STK32B: variants seen among roughly 807,000 people sequenced by gnomAD.
STK32B encodes serine/threonine-protein kinase 32B.
In STK32B, 43 loss-of-function variants were observed where a neutral mutation model predicts 52.6. That is an observed-to-expected ratio of 0.82 (90% CI 0.64 to 1.05). The LOEUF (loss-of-function observed/expected upper bound fraction) is 1.05, where lower values mean the gene tolerates loss of function less well. STK32B is among the 50% of genes least tolerant of loss of function. The probability of loss-of-function intolerance (pLI) is 0.00; values close to 1 mark genes in which losing one functional copy is unlikely to be tolerated. For synonymous variants in STK32B, 238 were observed against 204.3 expected, an observed-to-expected ratio of 1.17 and a Z score of -1.41; for missense variants, 621 against 534.6, an observed-to-expected ratio of 1.16 and a Z score of -1.59.
intron 1 of STK32B, among the ~76,000 whole-genome samples, chr4:5,124,256 C>T (rs1715229788): frequency 2.6e-5 from 4 of 152,154 alleles, no homozygotes; most frequent in Admixed American, 2.0e-4. Context: ...ATCAGATGTC[C>T]GAGTGAGCAA....
At chr4:5,348,724 G>A (rs1733635142) in intron 4 of STK32B, among the ~76,000 whole-genome samples, 1 of 152,134 alleles carries the variant, frequency 6.6e-6, no homozygotes, top group Non-Finnish European at 1.5e-5. Context: ...GAGGCCTGAG[G>A]ATCACCACAA....
chr4:5,430,898 C>T (rs1207626862), intron 6 of STK32B, among the ~76,000 whole-genome samples: 1 of 152,208 alleles, frequency 6.6e-6, no homozygotes, highest in African/African-American at 2.4e-5. Context: ...AATAGGGTCT[C>T]TCTCTGTGCT....
intron 4 of STK32B, among the ~76,000 whole-genome samples, chr4:5,379,778 A>C (rs1577418824): frequency 2.0e-5 from 3 of 152,202 alleles, no homozygotes; most frequent in Admixed American, 6.5e-5. Flanking sequence ...CAACCCTGCC[A>C]ACACCTTGAT....
At chr4:5,477,398 C>T (rs1170072744) in intron 11 of STK32B, among the ~76,000 whole-genome samples, 2 of 152,120 alleles carry the variant, frequency 1.3e-5, no homozygotes, top group African/African-American at 4.8e-5. Context: ...GCCTAAAACC[C>T]TCAAATGCCT....
rs890642571 is a variant in STK32B at position 5,399,603 on chromosome 4, G to A, written c.472+1359G>A. Among the ~76,000 whole-genome samples the A allele has an allele frequency of 6.6e-6, 1 of 152,160 alleles. No individual in the cohort carries two copies. Among genetic ancestry groups the A allele is most frequent in the Non-Finnish European group, 1.5e-5 (1 of 68,022 alleles). ...AATCAAGGCTGGAAAGGAAGCGAAA[G>A]CAACGTCTCCAGTTTGTATCTAAAA... On this transcript the variant is annotated intron_variant, in intron 5 of 11. Transcript: ENST00000282908. This position sits in a 1 kb window ranked among gnomAD's most constrained non-coding sequence, Gnocchi z 5.4.
At chr4:5,406,930 C>T (rs1577455349) in intron 5 of STK32B, among the ~76,000 whole-genome samples, 1 of 152,124 alleles carries the variant, frequency 6.6e-6, no homozygotes, top group African/African-American at 2.4e-5. Flanking sequence ...AGCTTTAAAC[C>T]CTCCCAAGAA....
At chr4:5,325,030 G>A (rs968127388) in intron 3 of STK32B, among the ~76,000 whole-genome samples, 17 of 152,132 alleles carry the variant, frequency 1.1e-4, no homozygotes, top group Admixed American at 4.6e-4. Flanking sequence ...CATTCACCTC[G>A]TGCTCTGCTC....
chr4:5,136,997 A>C (rs1716117049), intron 1 of STK32B, among the ~76,000 whole-genome samples: 1 of 152,228 alleles, frequency 6.6e-6, no homozygotes, highest in Admixed American at 6.5e-5. Flanking sequence ...GATATGGATG[A>C]CATGGGTGAG....
intron 2 of STK32B, among the ~76,000 whole-genome samples, chr4:5,157,977 T>A (rs1468938307): frequency 6.6e-6 from 1 of 152,246 alleles, no homozygotes; most frequent in East Asian, 1.9e-4. Flanking sequence ...AATGAAATAT[T>A]TATTCATTTC....
intron 3 of STK32B, among the ~76,000 whole-genome samples, chr4:5,173,516 T>C (rs1196984534): frequency 2.0e-5 from 3 of 152,144 alleles, no homozygotes; most frequent in African/African-American, 7.2e-5. Flanking sequence ...TTTGTTCTCA[T>C]TGGTTTCAAA....
intron 9 of STK32B, among the ~76,000 whole-genome samples, chr4:5,465,914 C>T (rs968446458): frequency 2.0e-5 from 3 of 152,112 alleles, no homozygotes; most frequent in African/African-American, 4.8e-5. Context: ...TTATTAATTC[C>T]CTATATGGGA....
At chr4:5,065,914 G>A (rs1001657031) in intron 1 of STK32B, among the ~76,000 whole-genome samples, 3 of 152,058 alleles carry the variant, frequency 2.0e-5, no homozygotes, top group Non-Finnish European at 2.9e-5. Flanking sequence ...AGTAGTGACA[G>A]GGTTTCACTA....
chr4:5,072,937 A>T (rs1400133189), intron 1 of STK32B, among the ~76,000 whole-genome samples: 1 of 152,118 alleles, frequency 6.6e-6, no homozygotes, highest in African/African-American at 2.4e-5. Context: ...TGATGAATTG[A>T]CCCTTTATCA....
At chr4:5,130,989 T>C (rs1328670492) in intron 1 of STK32B, among the ~76,000 whole-genome samples, 6 of 152,196 alleles carry the variant, frequency 3.9e-5, no homozygotes, top group Non-Finnish European at 8.8e-5. Context: ...GAGTGGATTC[T>C]TCTCCCTGAC....
intron 6 of STK32B, among the ~76,000 whole-genome samples, chr4:5,430,505 A>G (rs549898414): frequency 6.6e-6 from 1 of 152,344 alleles, no homozygotes; most frequent in African/African-American, 2.4e-5. Flanking sequence ...GAAATGTTTT[A>G]AATTCCTTGT....
At chr4:5,073,038 A>G (rs1711873124) in intron 1 of STK32B, among the ~76,000 whole-genome samples, 2 of 152,064 alleles carry the variant, frequency 1.3e-5, no homozygotes, top group African/African-American at 4.8e-5. Context: ...TTTTTAATTT[A>G]TTTGTATCTT....
At chr4:5,432,656 G>A (rs1713691328) in intron 6 of STK32B, among the ~76,000 whole-genome samples, 2 of 152,156 alleles carry the variant, frequency 1.3e-5, no homozygotes, top group African/African-American at 2.4e-5. Flanking sequence ...CACAATGGGT[G>A]TAATAAGAAT....
intron 3 of STK32B, among the ~76,000 whole-genome samples, chr4:5,303,779 C>T (rs1260021580): frequency 6.6e-6 from 1 of 152,034 alleles, no homozygotes; most frequent in Non-Finnish European, 1.5e-5. Flanking sequence ...AAGGGATTTT[C>T]CAATGTTTTC....
chr4:5,065,184 G>C (rs1439834830), intron 1 of STK32B, among the ~76,000 whole-genome samples: 1 of 152,030 alleles, frequency 6.6e-6, no homozygotes, highest in Non-Finnish European at 1.5e-5. Context: ...ACCTACACCA[G>C]TTTTCAAAAA....
Sources: gnomAD v4.1 joint callset for allele counts (sites outside exome capture counted in the v4.1 genomes callset) on GRCh38, gnomAD v4.1.1 for gene constraint, Gnocchi (gnomAD v3.1) non-coding constraint, MANE v1.5 for transcripts, NCBI Gene and HGNC (gene_info 2026-07-23, HGNC 2026-07-21) for gene names.